The following CSMD3 variants were observed in gnomAD, a reference collection of about 807,000 sequenced individuals.
CSMD3 encodes the protein CUB and Sushi multiple domains 3.
Under a neutral mutation model 435.2 loss-of-function variants are expected in CSMD3, and 177 were observed. The observed-to-expected ratio is 0.41, with a 90% CI of 0.36 to 0.46. The LOEUF is 0.46. CSMD3 is among the 20% of genes least tolerant of loss of function. CSMD3 has a pLI of 0.34. For synonymous variants in CSMD3, 1,656 were observed against 1,520.5 expected (o/e 1.09, Z -2.07); for missense variants, 4,265 against 4,504.6 (o/e 0.95, Z 1.52).
chr8:112,810,920 A>C (rs1025589976), intron 12 of CSMD3, among the ~76,000 whole-genome samples: 2 of 152,098 alleles, frequency 1.3e-5, no homozygotes, highest in Non-Finnish European at 2.9e-5. Context: ...ATTATTTGAA[A>C]GTATAAGCAA....
At chr8:113,010,731 T>C (rs1430172494) in intron 6 of CSMD3, among the ~76,000 whole-genome samples, 1 of 151,706 alleles carries the variant, frequency 6.6e-6, no homozygotes, top group African/African-American at 2.4e-5. Context: ...CAAACCCATA[T>C]TTACATGTAT....
intron 11 of CSMD3, among the ~76,000 whole-genome samples, chr8:112,830,749 G>A: frequency 6.6e-6 from 1 of 150,620 alleles, no homozygotes; most frequent in East Asian, 2.0e-4. Context: ...TAAAAATAAA[G>A]GAATTTATAT....
At chr8:112,468,032 G>C (rs1818130896) in intron 32 of CSMD3, among the ~76,000 whole-genome samples, 1 of 152,154 alleles carries the variant, frequency 6.6e-6, no homozygotes, top group South Asian at 2.1e-4. Context: ...TTCCTAGAAA[G>C]TAAGAAGAGG....
At chr8:112,869,532 G>T (rs1021817636) in intron 10 of CSMD3, among the ~76,000 whole-genome samples, 1 of 152,078 alleles carries the variant, frequency 6.6e-6, no homozygotes, top group Admixed American at 6.5e-5. Flanking sequence ...CCATTACTGG[G>T]TATATACCCA....
At chr8:113,071,839 G>A (rs2089136837) in intron 5 of CSMD3, among the ~76,000 whole-genome samples, 1 of 151,716 alleles carries the variant, frequency 6.6e-6, no homozygotes, top group Admixed American at 6.6e-5. Context: ...TTTTTTCCAT[G>A]TCTGTAATAA....
intron 12 of CSMD3, among the ~76,000 whole-genome samples, chr8:112,802,918 A>C (rs887157537): frequency 2.0e-5 from 3 of 152,132 alleles, no homozygotes; most frequent in Admixed American, 1.3e-4. Flanking sequence ...CATCAGGATT[A>C]CAATTAACTT....
chr8:112,623,862 A>C (rs537066448), intron 22 of CSMD3, among the ~76,000 whole-genome samples: 1 of 152,186 alleles, frequency 6.6e-6, no homozygotes, highest in African/African-American at 2.4e-5. Flanking sequence ...ACAGTTTGTT[A>C]CTTAAACTCA....
At chr8:113,148,286 T>TC (rs1303024163) in intron 4 of CSMD3, among the ~76,000 whole-genome samples, 1 of 151,612 alleles carries the variant, frequency 6.6e-6, no homozygotes. Context: ...TGACCCTACC[T>TC]CCCTCCTCAC....
chr8:112,407,507 T>C (rs560688250), intron 34 of CSMD3, among the ~76,000 whole-genome samples: 6 of 152,164 alleles, frequency 3.9e-5, no homozygotes, highest in Admixed American at 2.6e-4. Context: ...ATTCTTCTTA[T>C]GCGACTTGAG....
intron 32 of CSMD3, among the ~76,000 whole-genome samples, chr8:112,415,620 T>C (rs753765319): frequency 3.3e-5 from 5 of 152,158 alleles, no homozygotes; most frequent in Admixed American, 6.5e-5. Context: ...TGACAGCTTG[T>C]ATCGTGCACC....
intron 1 of CSMD3, among the ~76,000 whole-genome samples, chr8:113,405,711 A>G (rs961273868): frequency 2.0e-5 from 3 of 151,736 alleles, no homozygotes; most frequent in African/African-American, 7.2e-5. Flanking sequence ...TCACCTATGG[A>G]TGAGCAAATT....
intron 36 of CSMD3, among the ~76,000 whole-genome samples, chr8:112,384,809 T>C (rs556581416): frequency 6.6e-6 from 1 of 152,326 alleles, no homozygotes. Context: ...AGCCGTATGA[T>C]TGTAGTATAA....
Position 112,747,183 on chromosome 8 carries a change from C to CTTTTTTTTTTTTTTTTTTTTTTTTTTTT in CSMD3, c.1972+52951_1972+52978dup, listed in dbSNP as rs71309787. 1.1e-4 allele frequency among the ~76,000 whole-genome samples: 3 copies of CTTTTTTTTTTTTTTTTTTTTTTTTTTTT among 26,942 alleles called. 1 individual carries two copies. The highest frequency in any genetic ancestry group is 1.1e-3 in the Admixed American group (2 of 1,810). The allele number at this position is 26,942 out of a possible 152,430, so 17.7% of individuals were successfully genotyped here. A position where few individuals can be genotyped will look rare whatever the true frequency, so the allele number is the denominator to read the frequency against. ...TATGATTATTTGTCTGCACACTTCC[C>CTTTTTTTTTTTTTTTTTTTTTTTTTTTT]TTTTTTTTTTTTTTTTTTTTTTTTT... On this transcript the variant is annotated intron_variant, in intron 13 of 70. Transcript: ENST00000297405.
chr8:112,308,365 G>A (rs1821641864), intron 50 of CSMD3, among the ~76,000 whole-genome samples: 1 of 152,048 alleles, frequency 6.6e-6, no homozygotes, highest in African/African-American at 2.4e-5. Context: ...AAGAGATGTA[G>A]TTAAATAGTA....
chr8:113,025,793 C>T (rs1564224440), intron 5 of CSMD3, among the ~76,000 whole-genome samples: 1 of 152,120 alleles, frequency 6.6e-6, no homozygotes, highest in Non-Finnish European at 1.5e-5. Context: ...AGCTTTCCCA[C>T]TCTGTATAAC....
intron 2 of CSMD3, among the ~76,000 whole-genome samples, chr8:113,289,046 T>G (rs2093665904): frequency 6.6e-6 from 1 of 151,842 alleles, no homozygotes; most frequent in African/African-American, 2.4e-5. Context: ...GGAGTAAATC[T>G]CAGTGATTCC....
At chr8:112,414,883 G>A (rs193002829) in intron 32 of CSMD3, among the ~76,000 whole-genome samples, 1 of 152,180 alleles carries the variant, frequency 6.6e-6, no homozygotes, top group Non-Finnish European at 1.5e-5. Context: ...TGCTAGAGAT[G>A]TGTGGAACTT....
chr8:113,100,867 C>T (rs762548418), intron 4 of CSMD3, among the ~76,000 whole-genome samples: 2 of 152,102 alleles, frequency 1.3e-5, no homozygotes, highest in African/African-American at 4.8e-5. Context: ...TTTGATTAAG[C>T]TTCTTTGCTC....
intron 10 of CSMD3, among the ~76,000 whole-genome samples, chr8:112,887,700 A>G (rs572934519): frequency 4.0e-4 from 60 of 150,956 alleles, no homozygotes; most frequent in African/African-American, 1.4e-3. Flanking sequence ...GAAAGAATAA[A>G]TGGTTGATTA....
Sources: allele counts gnomAD v4.1 joint callset (sites outside exome capture counted in the v4.1 genomes callset), GRCh38; gene constraint gnomAD v4.1.1; transcripts MANE v1.5; gene names NCBI Gene and HGNC (gene_info 2026-07-23, HGNC 2026-07-21).